Variants in MTR observed in about 807,000 individuals in gnomAD.
MTR encodes the protein 5-methyltetrahydrofolate-homocysteine methyltransferase, also known as methionine synthase.
A neutral mutation model predicts 154.8 loss-of-function variants in MTR; 84 were observed. The ratio of observed to expected loss-of-function variants is 0.54; its 90% CI spans 0.45 to 0.65. The LOEUF (loss-of-function observed/expected upper bound fraction) is 0.65, where lower values mean the gene tolerates loss of function less well. MTR is among the 30% of genes least tolerant of loss of function. The pLI is 0.00. For missense variants in MTR, 1,275 were observed against 1,570.2 expected, an observed-to-expected ratio of 0.81 and a Z score of 3.18; for synonymous variants, 554 against 553.9, an observed-to-expected ratio of 1.00 and a Z score of 0.00.
intron 19 of MTR, 130 bp downstream of exon 19, chr1:236,860,052 C>G (rs1572278638): frequency 2.0e-6 from 1 of 502,190 alleles, no homozygotes. Context: ...GGAGGTCCCT[C>G]TTGCTGTCCC....
Position 236,835,529 on chromosome 1 carries a change from C to G in MTR, c.1189-18C>G. The G allele has an allele frequency of 6.2e-7, 1 of 1,612,632 alleles. No individual in the cohort carries two copies. The highest frequency in any genetic ancestry group is 1.1e-5 in the South Asian group (1 of 90,932). On this transcript the variant is annotated intron_variant, in intron 13 of 32. Coordinates refer to ENST00000366577, the MANE Select transcript of MTR (RefSeq NM_000254.3). Reference sequence around the variant, plus strand: ...TAACTGTCTCCTAATGCTGCTTCCTCTCTCATTCTTCCTTCAGGAAGCCTT... The same window carrying G: ...TAACTGTCTCCTAATGCTGCTTCCTGTCTCATTCTTCCTTCAGGAAGCCTT...
intron 15 of MTR, among the ~76,000 whole-genome samples, chr1:236,847,083 C>T (rs12138233): frequency 0.018 from 2,725 of 152,172 alleles, 47 homozygotes; most frequent in Non-Finnish European, 0.029. Flanking sequence ...GATGGGTTTT[C>T]ACCATGTTGG....
intron 23 of MTR, 127 bp from the exon 24 acceptor site, chr1:236,874,599 G>T: frequency 1.3e-6 from 1 of 742,594 alleles, no homozygotes; most frequent in Admixed American, 3.0e-5. Flanking sequence ...TTAGGAATTG[G>T]GAATTCATGT....
chr1:236,814,413 G>A (rs1661474886), intron 6 of MTR, among the ~76,000 whole-genome samples: 1 of 152,156 alleles, frequency 6.6e-6, no homozygotes, highest in Non-Finnish European at 1.5e-5. Context: ...TTAAGGATAG[G>A]TTTTGTTGAG....
intron 15 of MTR, among the ~76,000 whole-genome samples, chr1:236,847,155 G>A (rs1273659469): frequency 6.6e-6 from 1 of 152,120 alleles, no homozygotes; most frequent in African/African-American, 2.4e-5. Context: ...CCAAAGTGCT[G>A]GGATTACAGA....
chr1:236,849,138 G>A (rs1248204926), intron 15 of MTR, among the ~76,000 whole-genome samples: 3 of 152,168 alleles, frequency 2.0e-5, no homozygotes, highest in Non-Finnish European at 4.4e-5. Context: ...ATGTAATTTG[G>A]TGAATACCCT....
rs1436192825 is a variant in MTR at position 236,902,247 on chromosome 1, CTCTG to C, written c.*4608_*4611del. On this transcript the variant is annotated 3_prime_UTR_variant, in exon 33 of 33. Transcript: ENST00000366577. ...AGGAGGTACCTGCTCACATTGGCCC[CTCTG>C]TCTGGAATAACCCCACCCCGGTTCC... The C allele has an allele frequency of 1.3e-5, 2 of 152,350 alleles. No homozygotes were observed. The highest frequency in any genetic ancestry group is 4.8e-5 in the African/African-American group (2 of 41,432). 9.4% of individuals were successfully genotyped at this position (152,350 alleles called of 1,614,324 possible).
chr1:236,881,450 T>C (rs994946545), intron 25 of MTR, among the ~76,000 whole-genome samples: 5 of 152,220 alleles, frequency 3.3e-5, no homozygotes, highest in African/African-American at 1.2e-4. Context: ...GGTTTCCAAA[T>C]TGATTTCAGC....
intron 8 of MTR, among the ~76,000 whole-genome samples, chr1:236,817,555 G>A (rs959881475): frequency 1.1e-4 from 16 of 152,146 alleles, no homozygotes; most frequent in African/African-American, 3.1e-4. Context: ...ACACCTTGAG[G>A]GTAGGTACTG....
intron 1 of MTR, among the ~76,000 whole-genome samples, 180 bp downstream of exon 1, chr1:236,795,917 CTT>C (rs1660356462): frequency 6.6e-6 from 1 of 152,246 alleles, no homozygotes; most frequent in South Asian, 2.1e-4. Context: ...TTGCTCCACT[CTT>C]TGTCCGACCT....
At chr1:236,811,385 T>A (rs1461266295) in intron 5 of MTR, among the ~76,000 whole-genome samples, 6 of 152,188 alleles carry the variant, frequency 3.9e-5, no homozygotes, top group Non-Finnish European at 7.3e-5. Flanking sequence ...AACATACTTA[T>A]ATTGAGATCT....
At chr1:236,819,609 C>T in intron 8 of MTR, 1 of 462,074 alleles carries the variant, frequency 2.2e-6, no homozygotes. Flanking sequence ...TCTGGATTCC[C>T]ATGTAACTTA....
intron 12 of MTR, 63 bp downstream of exon 12, chr1:236,829,331 A>G (rs1662478912): frequency 7.4e-7 from 1 of 1,346,286 alleles, no homozygotes; most frequent in Non-Finnish European, 1.1e-6. Flanking sequence ...GAGTATTCTA[A>G]GTGGTAGTGA....
rs1021369210 is a variant in MTR at position 236,902,797 on chromosome 1, T to G, written c.*5153T>G. On this transcript the variant is annotated 3_prime_UTR_variant, in exon 33 of 33. Transcript: ENST00000366577. ...ATTAGATGCGGCCCAAGTGATACTT[T>G]CTTTACCGTCCCGTGAAGACAGCAT... is the stretch of plus-strand genomic sequence containing the variant. 2.6e-5 allele frequency: 4 copies of G among 152,186 alleles called. No homozygotes were observed. The highest frequency in any genetic ancestry group is 5.9e-5 in the Non-Finnish European group (4 of 68,046). 9.4% of individuals were successfully genotyped at this position (152,186 alleles called of 1,614,324 possible). A position where few individuals can be genotyped will look rare whatever the true frequency, so the allele number is the denominator to read the frequency against.
chr1:236,807,350 TTTTTGTAGAGA>T (rs1416812452), intron 3 of MTR, among the ~76,000 whole-genome samples: 7 of 152,150 alleles, frequency 4.6e-5, no homozygotes, highest in African/African-American at 1.7e-4. Flanking sequence ...ATTTTTGTAT[TTTTTGTAGAGA>T]CAGGGTTTTG....
chr1:236,895,569 C>T lies in MTR; in HGVS notation c.3598+19C>T, dbSNP rs376789585. 7.7e-6 allele frequency: 12 copies of T among 1,555,556 alleles called. No individual in the cohort carries two copies. In the African/African-American group the frequency reaches 9.6e-5, roughly 12 times the overall value. ...TCTACAGGTAGGAGCCAGGAGGCTG[C>T]GGGTTCCTGTCTTCCTTCTTCAGTA... On this transcript the variant is annotated intron_variant, in intron 31 of 32. Transcript: ENST00000366577.
At chr1:236,805,668 T>C (rs1176720766) in intron 2 of MTR, among the ~76,000 whole-genome samples, 1 of 151,636 alleles carries the variant, frequency 6.6e-6, no homozygotes, top group Non-Finnish European at 1.5e-5. Context: ...TAATTTTTCG[T>C]GTTGTTTTGG....
Position 236,850,357 on chromosome 1 carries a change from A to G in MTR, c.1529A>G (p.Asp510Gly), listed in dbSNP as rs1251015079. Residue 510 changes from aspartate to glycine, a missense_variant, in exon 16 of 33, where the codon GAC becomes GGC. Asp to Gly is a moderately conservative substitution (Grantham distance 94, BLOSUM62 -1). Coordinates refer to ENST00000366577, the MANE Select transcript of MTR (RefSeq NM_000254.3). ...FDEEGQATETDTKIRVCTRAY... is the reference protein window; with the variant it reads ...FDEEGQATETGTKIRVCTRAY... The stretch of plus-strand genomic sequence containing the variant: ...TCTTTTCCCTAGGCAACAGAAACAG[A>G]CACAAAAATCAGAGTGTGCACCCGG... 1.9e-6 allele frequency: 3 copies of G among 1,613,152 alleles called. No individual in the cohort carries two copies. The highest frequency in any genetic ancestry group is 1.7e-6 in the Non-Finnish European group (2 of 1,179,430).
At chr1:236,815,823 A>G (rs945849920) in intron 7 of MTR, among the ~76,000 whole-genome samples, 160 bp downstream of exon 7, 2 of 152,166 alleles carry the variant, frequency 1.3e-5, no homozygotes, top group African/African-American at 4.8e-5. Flanking sequence ...TTCTGGACCA[A>G]TAACAGTCTT....
Sources: allele counts gnomAD v4.1 joint callset (sites outside exome capture counted in the v4.1 genomes callset), GRCh38; gene constraint gnomAD v4.1.1; transcripts MANE v1.5; gene names NCBI Gene and HGNC (gene_info 2026-07-23, HGNC 2026-07-21).